AVL9: variants seen among roughly 807,000 people sequenced by gnomAD.
AVL9 encodes the protein AVL9 cell migration associated, also known as late secretory pathway protein AVL9 homolog.
Under a neutral mutation model 79.2 loss-of-function variants are expected in AVL9, and 49 were observed. The ratio of observed to expected loss-of-function variants is 0.62; its 90% CI spans 0.49 to 0.79. The LOEUF is 0.79. AVL9 is among the 30% of genes least tolerant of loss of function. AVL9 has a pLI of 0.00. For missense variants in AVL9, 682 were observed against 776.8 expected (o/e 0.88, Z 1.45); for synonymous variants, 299 against 280.6 (o/e 1.07, Z -0.65).
At chr7:32,579,237 A>T (rs1471009780) in intron 13 of AVL9, among the ~76,000 whole-genome samples, 1 of 130,642 alleles carries the variant, frequency 7.7e-6, no homozygotes, top group Non-Finnish European at 1.6e-5. Flanking sequence ...AAGTTGCTTG[A>T]TTTTTTTCCT....
intron 1 of AVL9, among the ~76,000 whole-genome samples, chr7:32,524,744 C>T (rs1788328086): frequency 6.6e-6 from 1 of 152,138 alleles, no homozygotes; most frequent in African/African-American, 2.4e-5. Context: ...GGGACAAATC[C>T]TCCACTTCAT....
At chr7:32,523,007 T>C (rs538310009) in intron 1 of AVL9, among the ~76,000 whole-genome samples, 2 of 151,996 alleles carry the variant, frequency 1.3e-5, no homozygotes, top group Non-Finnish European at 2.9e-5. Flanking sequence ...CATGTGGAAC[T>C]GTAAGTCCAA....
chr7:32,564,470 T>G (rs1369224284), intron 10 of AVL9, among the ~76,000 whole-genome samples: 1 of 152,208 alleles, frequency 6.6e-6, no homozygotes, highest in African/African-American at 2.4e-5. Flanking sequence ...AAAATAATTT[T>G]AGAAATAGCC....
chr7:32,538,953 T>C (rs1414279952), intron 1 of AVL9: 1 of 137,272 alleles, frequency 7.3e-6, no homozygotes, highest in Non-Finnish European at 1.5e-5. Flanking sequence ...ATATGGGTTA[T>C]TAAGAAAAGT....
At chr7:32,583,761 T>C (rs781272019) in intron 15 of AVL9, 31 bp from the exon 16 acceptor site, 3 of 1,406,880 alleles carry the variant, frequency 2.1e-6, no homozygotes, top group Non-Finnish European at 3.0e-6. Context: ...GTTAAGACAT[T>C]TTTCCTTTTG....
At chr7:32,513,472 A>G (rs7806113) in intron 1 of AVL9, among the ~76,000 whole-genome samples, 53,346 of 152,196 alleles carry the variant, frequency 0.35, 9,691 homozygotes, top group East Asian at 0.48. Flanking sequence ...ATTCTTTTCT[A>G]TAGATAAAAA....
In AVL9 at chr7:32,514,599, G is replaced by T. The variant is rs183537398; in HGVS notation, c.93+18797G>T. Among the ~76,000 whole-genome samples the T allele has an allele frequency of 1.9e-4, 29 of 152,248 alleles. No individual in the cohort carries two copies. The East Asian group carries it at 5.6e-3, about 29-fold the overall frequency. On this transcript the variant is annotated intron_variant, in intron 1 of 15. Coordinates refer to ENST00000318709, the MANE Select transcript of AVL9 (RefSeq NM_015060.3). Reference sequence around the variant, plus strand: ...AAAGAAGTGTAAATGGCCGGTCCTTGCCTTAACCGATGACATTCCCCCACA... The same window carrying T: ...AAAGAAGTGTAAATGGCCGGTCCTTTCCTTAACCGATGACATTCCCCCACA...
chr7:32,551,199 A>T (rs942554358), intron 4 of AVL9, 135 bp from the exon 5 acceptor site: 1 of 621,016 alleles, frequency 1.6e-6, no homozygotes, highest in African/African-American at 1.8e-5. Flanking sequence ...AATAATACGC[A>T]CTAAAGTTGA....
chr7:32,514,406 C>T (rs1787820984), intron 1 of AVL9, among the ~76,000 whole-genome samples: 1 of 152,204 alleles, frequency 6.6e-6, no homozygotes, highest in Non-Finnish European at 1.5e-5. Context: ...CCTGCACAGC[C>T]CTGAATTCCT....
At chr7:32,534,913 A>C (rs1206672983) in intron 1 of AVL9, 1 of 152,088 alleles carries the variant, frequency 6.6e-6, no homozygotes, top group Non-Finnish European at 1.5e-5. Context: ...ACATCAATGC[A>C]CTCCAGCCTG....
intron 1 of AVL9, among the ~76,000 whole-genome samples, chr7:32,505,775 T>C (rs1787387945): frequency 6.6e-6 from 1 of 152,210 alleles, no homozygotes; most frequent in African/African-American, 2.4e-5. Flanking sequence ...CTCTGCTGTT[T>C]TTTTATATTC....
Position 32,584,144 on chromosome 7 carries a change from G to A in AVL9, c.*237G>A, listed in dbSNP as rs79646432. On this transcript the variant is annotated 3_prime_UTR_variant, in exon 16 of 16. Transcript: ENST00000318709. ...ACTACTTTTATTTCAGTCTGAGCCT[G>A]ATTAAAACATACAGTGAACCTTCTA... 4.3e-3 allele frequency: 2,329 copies of A among 544,144 alleles called. 35 individuals are homozygous for A. Among genetic ancestry groups the A allele is most frequent in the African/African-American group, 0.036 (1,894 of 52,546 alleles). The allele number at this position is 544,144 out of a possible 1,614,324, so 33.7% of individuals were successfully genotyped here.
rs1300306882 is a variant in AVL9, at chr7:32,585,786, C to G, written c.*1879C>G. 6.6e-6 allele frequency: 1 copy of G among 152,186 alleles called. No individual in the cohort carries two copies. Among genetic ancestry groups the G allele is most frequent in the Non-Finnish European group, 1.5e-5 (1 of 68,036 alleles). The allele number at this position is 152,186 out of a possible 1,614,324, so 9.4% of individuals were successfully genotyped here. ...GCTGAATGTGAGAACTCCATTAATTCCACTTCTTCCAAGAAAGTTAACCTC... is the reference window on the plus strand; with the variant it reads ...GCTGAATGTGAGAACTCCATTAATTGCACTTCTTCCAAGAAAGTTAACCTC... On this transcript the variant is annotated 3_prime_UTR_variant, in exon 16 of 16. Transcript: ENST00000318709.
At chr7:32,499,713 A>C (rs1787032001) in intron 1 of AVL9, among the ~76,000 whole-genome samples, 1 of 152,140 alleles carries the variant, frequency 6.6e-6, no homozygotes, top group Non-Finnish European at 1.5e-5. Flanking sequence ...CCCCATATGC[A>C]TTAGGTATTT....
intron 10 of AVL9, among the ~76,000 whole-genome samples, chr7:32,566,180 A>ATCTTTTCTTTTTTTTTTT (rs70992731): frequency 1.1e-5 from 1 of 93,878 alleles, no homozygotes; most frequent in African/African-American, 4.2e-5. Flanking sequence ...TATTATTATT[A>ATCTTTTCTTTTTTTTTTT]TTTTTTTTTT....
chr7:32,496,893 G>C (rs969108862), intron 1 of AVL9, among the ~76,000 whole-genome samples: 4 of 152,186 alleles, frequency 2.6e-5, no homozygotes, highest in African/African-American at 9.7e-5. Context: ...TTGAGCCCAG[G>C]AGTTTGAGAC....
Position 32,586,340 on chromosome 7 carries a change from A to G in AVL9, c.*2433A>G, listed in dbSNP as rs1281034877. 1.3e-5 allele frequency: 2 copies of G among 152,128 alleles called. No individual in the cohort carries two copies. The highest frequency in any genetic ancestry group is 1.5e-5 in the Non-Finnish European group (1 of 68,036). The allele number at this position is 152,128 out of a possible 1,614,324, so 9.4% of individuals were successfully genotyped here. ...TAGAAATGGTCAAAAGACCATAGCT[A>G]TATTTCCTTCAGGTTCTGGGAGGTG... On this transcript the variant is annotated 3_prime_UTR_variant, in exon 16 of 16. Coordinates refer to ENST00000318709, the MANE Select transcript of AVL9 (RefSeq NM_015060.3).
chr7:32,543,027 C>A, intron 1 of AVL9, 114 bp from the exon 2 acceptor site: 1 of 1,314,844 alleles, frequency 7.6e-7, no homozygotes. Flanking sequence ...TGACATTATA[C>A]AGTGTGGCTT....
chr7:32,538,603 T>C (rs559136275), intron 1 of AVL9: 3 of 152,350 alleles, frequency 2.0e-5, no homozygotes, highest in African/African-American at 7.2e-5. Flanking sequence ...TTCGCTTATC[T>C]TCCATCCCCA....
Sources: gnomAD v4.1 joint callset for allele counts (sites outside exome capture counted in the v4.1 genomes callset) on GRCh38, gnomAD v4.1.1 for gene constraint, MANE v1.5 for transcripts, NCBI Gene and HGNC (gene_info 2026-07-23, HGNC 2026-07-21) for gene names.